Variants in PCNT observed in about 807,000 individuals in gnomAD.
PCNT encodes the protein pericentrin, also known as kendrin.
PCNT carries 319 observed loss-of-function variants against 380.4 expected under a neutral mutation model. The observed-to-expected ratio is 0.84, with a 90% CI of 0.77 to 0.92. PCNT has a LOEUF of 0.92. Ranked by LOEUF, PCNT falls within the 40% of genes least tolerant of loss-of-function variation. PCNT has a pLI of 0.00. For synonymous variants in PCNT, 1,845 were observed against 1,735.2 expected (o/e 1.06, Z -1.57); for missense variants, 4,400 against 4,255.3 (o/e 1.03, Z -0.95).
chr21:46,444,921 A>G, intron 46 of PCNT, 100 bp downstream of exon 46: 1 of 1,112,400 alleles, frequency 9.0e-7, no homozygotes, highest in Non-Finnish European at 1.4e-6. Context: ...CTTAGTAACC[A>G]AAGTTTCAGT....
intron 3 of PCNT, among the ~76,000 whole-genome samples, chr21:46,345,192 A>G (rs1235642574): frequency 6.6e-6 from 1 of 152,108 alleles, no homozygotes; most frequent in Non-Finnish European, 1.5e-5. Context: ...GGGAGAGTCC[A>G]CAGCTTCTGT....
In PCNT at chr21:46,397,284, G is replaced by A. The variant is rs761943024; in HGVS notation, c.4236G>A (p.Glu1412=). 1 of 1,613,964 alleles carries A rather than the reference G, an allele frequency of 6.2e-7. No individual in the cohort carries two copies. The highest frequency in any genetic ancestry group is 2.2e-5 in the East Asian group (1 of 44,892). Residue 1412 remains glutamate, a synonymous_variant, in exon 22 of 47, where the codon GAG becomes GAA. Transcript: ENST00000359568. ...CCTTAGCTCTCCGGAAGGAAGTGGA[G>A]GATCTGACCAAAGAACAGTCGGAGA... ...AREAALRKEV[E]DLTKEQSETR...
intron 2 of PCNT, among the ~76,000 whole-genome samples, chr21:46,333,860 T>C (rs546561778): frequency 4.7e-5 from 7 of 148,696 alleles, no homozygotes; most frequent in African/African-American, 7.5e-5. Flanking sequence ...AAAGTAGAAT[T>C]CATTAAGAAG....
At chr21:46,368,316 C>T (rs1474533656) in intron 15 of PCNT, among the ~76,000 whole-genome samples, 9 of 152,060 alleles carry the variant, frequency 5.9e-5, no homozygotes, top group African/African-American at 1.4e-4. Context: ...GGGGTGGTGG[C>T]GGACGCCTGT....
At chr21:46,394,527 A>G in intron 21 of PCNT, 4 of 985,246 alleles carry the variant, frequency 4.1e-6, no homozygotes, top group Non-Finnish European at 4.8e-6. Context: ...TGCAGCACAC[A>G]AGGACTCAGG....
chr21:46,391,565 C>G (rs1296591970), intron 21 of PCNT, among the ~76,000 whole-genome samples, 189 bp downstream of exon 21: 1 of 152,208 alleles, frequency 6.6e-6, no homozygotes, highest in African/African-American at 2.4e-5. Flanking sequence ...GGCTTTGCTG[C>G]CCTTTCAGAG....
At position 46,397,501 on chromosome 21, in the gene PCNT, A is replaced by G. The variant is rs977814739; in HGVS notation, c.4446+7A>G. The G allele has an allele frequency of 1.2e-6, 2 of 1,605,532 alleles. No individual in the cohort carries two copies. The highest frequency in any genetic ancestry group is 2.2e-5 in the South Asian group (2 of 90,908). ...CCAGCGGCAATTCATGGATGTAAGA[A>G]TTCTGAATAATACATTTTTTTGCAT... On this transcript the variant is annotated splice_region_variant and intron_variant, in intron 22 of 46. Coordinates refer to ENST00000359568, the MANE Select transcript of PCNT (RefSeq NM_006031.6).
At chr21:46,415,341 C>A (rs981127254) in intron 29 of PCNT, among the ~76,000 whole-genome samples, 1 of 151,350 alleles carries the variant, frequency 6.6e-6, no homozygotes, top group African/African-American at 2.4e-5. Context: ...TCTTGGGGCC[C>A]TCATGACAGG....
chr21:46,429,341 C>T (rs1379445303), intron 35 of PCNT, among the ~76,000 whole-genome samples: 2 of 95,802 alleles, frequency 2.1e-5, no homozygotes, highest in East Asian at 2.1e-4. Flanking sequence ...GGGGGGCTGG[C>T]GCTGTGCACG....
chr21:46,335,598 A>AC (rs11388273), intron 3 of PCNT, among the ~76,000 whole-genome samples: 12 of 57,822 alleles, frequency 2.1e-4, no homozygotes, highest in Admixed American at 1.2e-3. Flanking sequence ...TCCATCTCAC[A>AC]AAAAAAAAAG....
Position 46,425,322 on chromosome 21 carries a change from G to A in PCNT, c.7180-509G>A, listed in dbSNP as rs372845618. ...CTGGGGATGGTTTTCTCTGCTCCCCGTGCCCAGCACAGGCAGCTTCACCCC... is the reference window on the plus strand; with the variant it reads ...CTGGGGATGGTTTTCTCTGCTCCCCATGCCCAGCACAGGCAGCTTCACCCC... On this transcript the variant is annotated intron_variant, in intron 32 of 46. Transcript: ENST00000359568. This position sits in a 1 kb window ranked among gnomAD's most constrained non-coding sequence, Gnocchi z 4.2. Among the ~76,000 whole-genome samples, 2 of 152,352 alleles carry A rather than the reference G, an allele frequency of 1.3e-5. No homozygotes were observed. Among genetic ancestry groups the A allele is most frequent in the African/African-American group, 4.8e-5 (2 of 41,588 alleles).
In PCNT at chr21:46,402,577, T is replaced by TG. The variant is rs146285929; in HGVS notation, c.5115+96dup. 1.9e-4 allele frequency: 260 copies of TG among 1,364,620 alleles called. 1 individual carries two copies. The African/African-American group carries it at 3.1e-3, about 16-fold the overall frequency. The allele number at this position is 1,364,620 out of a possible 1,614,324, so 84.5% of individuals were successfully genotyped here. A position where few individuals can be genotyped will look rare whatever the true frequency, so the allele number is the denominator to read the frequency against. On this transcript the variant is annotated intron_variant, in intron 27 of 46. Transcript: ENST00000359568. Reference sequence around the variant, plus strand: ...GACCCTCATCGGGGAGGCGAGTCTCTGGTCTTCACAGACGCCCGTGGCCCC... The same window carrying TG: ...GACCCTCATCGGGGAGGCGAGTCTCTGGGTCTTCACAGACGCCCGTGGCCCC...
At position 46,389,774 on chromosome 21, in the gene PCNT, C is replaced by T. The variant is rs80303367; in HGVS notation, c.3840+343C>T. On this transcript the variant is annotated intron_variant, in intron 19 of 46. Transcript: ENST00000359568. Reference sequence around the variant, plus strand: ...AAAAAAGACATTAAGTAGGAATACACGGAAAGCAATCAAAGATCTTTTTTT... The same window carrying T: ...AAAAAAGACATTAAGTAGGAATACATGGAAAGCAATCAAAGATCTTTTTTT... Among the ~76,000 whole-genome samples, 1,371 of 152,294 alleles carry T rather than the reference C, an allele frequency of 9.0e-3. 6 individuals carry two copies. The highest frequency in any genetic ancestry group is 0.015 in the Non-Finnish European group (1,039 of 68,024).
chr21:46,438,106 A>G, intron 40 of PCNT, 58 bp from the exon 41 acceptor site: 7 of 1,348,334 alleles, frequency 5.2e-6, no homozygotes, highest in Non-Finnish European at 7.4e-6. Flanking sequence ...AAAAAACACA[A>G]GTAATGTTCA....
rs1465955420 is a variant in PCNT, at chr21:46,334,314, G to T, written c.268-83G>T. 7 of 1,597,524 alleles carry T rather than the reference G, an allele frequency of 4.4e-6. No individual in the cohort carries two copies. The East Asian group carries it at 1.1e-4, about 25-fold the overall frequency. On this transcript the variant is annotated intron_variant, in intron 2 of 46. Coordinates refer to ENST00000359568, the MANE Select transcript of PCNT (RefSeq NM_006031.6). The stretch of plus-strand genomic sequence containing the variant: ...TGTTAAATGAAGTCAGCACAGGCCT[G>T]CAGATAGAGGAGCTGGGAAGGGCCT...
chr21:46,420,353 G>C (rs2087201107), intron 31 of PCNT, among the ~76,000 whole-genome samples: 1 of 152,018 alleles, frequency 6.6e-6, no homozygotes, highest in Non-Finnish European at 1.5e-5. Context: ...ATTTCTAAGA[G>C]GTTTTCTTTA....
At chr21:46,333,989 G>A (rs1000469047) in intron 2 of PCNT, among the ~76,000 whole-genome samples, 12 of 152,048 alleles carry the variant, frequency 7.9e-5, no homozygotes, top group African/African-American at 2.2e-4. Flanking sequence ...GGCGGATCAC[G>A]AGGTCAGGAG....
At chr21:46,423,735 GAGGGGAA>G (rs2087357082) in intron 32 of PCNT, among the ~76,000 whole-genome samples, 1 of 3,516 alleles carries the variant, frequency 2.8e-4, no homozygotes. Context: ...AGGGGAGGGG[GAGGGGAA>G]GAGGGGAGGA....
rs1400991465 is a variant in PCNT, at chr21:46,324,200, C to T, written c.-29C>T. On this transcript the variant is annotated 5_prime_UTR_variant, in exon 1 of 47. Coordinates refer to ENST00000359568, the MANE Select transcript of PCNT (RefSeq NM_006031.6). ...CTGCTCTGTGTCAGCCCCGTCACCGCCGGGCGGCCCGCGCGGAGTCTGAGG... is the reference window on the plus strand; with the variant it reads ...CTGCTCTGTGTCAGCCCCGTCACCGTCGGGCGGCCCGCGCGGAGTCTGAGG... The T allele has an allele frequency of 6.2e-7, 1 of 1,601,248 alleles. No individual in the cohort carries two copies. Among genetic ancestry groups the T allele is most frequent in the Non-Finnish European group, 8.5e-7 (1 of 1,173,130 alleles).
Sources: gnomAD v4.1 joint callset for allele counts (sites outside exome capture counted in the v4.1 genomes callset) on GRCh38, gnomAD v4.1.1 for gene constraint, Gnocchi (gnomAD v3.1) non-coding constraint, MANE v1.5 for transcripts, NCBI Gene and HGNC (gene_info 2026-07-23, HGNC 2026-07-21) for gene names.